The following SMARCAD1 variants were observed in gnomAD, a reference collection of about 807,000 sequenced individuals.
SMARCAD1 encodes the protein SWI/SNF-related matrix-associated actin-dependent regulator of chromatin subfamily A containing DEAD/H box 1.
SMARCAD1 carries 25 observed loss-of-function variants against 127.1 expected under a neutral mutation model. The ratio of observed to expected loss-of-function variants is 0.20; its 90% CI spans 0.14 to 0.27. The LOEUF (loss-of-function observed/expected upper bound fraction) is 0.27. Ranked by LOEUF, SMARCAD1 falls within the 10% of genes least tolerant of loss-of-function variation. SMARCAD1 has a pLI of 1.00. For synonymous variants in SMARCAD1, 400 were observed against 396.9 expected (o/e 1.01, Z -0.09); for missense variants, 807 against 1,206.0 (o/e 0.67, Z 4.90).
At chr4:94,239,305 T>C (rs985461114) in intron 5 of SMARCAD1, among the ~76,000 whole-genome samples, 1 of 152,168 alleles carries the variant, frequency 6.6e-6, no homozygotes, top group African/African-American at 2.4e-5. Flanking sequence ...TAAATACCTG[T>C]AAGTGATCTT....
At chr4:94,209,884 TTAGA>T (rs201830310) in intron 2 of SMARCAD1, among the ~76,000 whole-genome samples, 1,752 of 152,316 alleles carry the variant, frequency 0.012, 10 homozygotes, top group Non-Finnish European at 0.017. Context: ...TCCTCTGTAG[TTAGA>T]TAGTTCAGGA....
intron 2 of SMARCAD1, among the ~76,000 whole-genome samples, chr4:94,216,129 A>C (rs1296050775): frequency 6.6e-6 from 1 of 152,110 alleles, no homozygotes; most frequent in Non-Finnish European, 1.5e-5. Flanking sequence ...TGGCTGAATG[A>C]GTGAGGGGTC....
chr4:94,249,082 A>T (rs796225931), intron 6 of SMARCAD1, among the ~76,000 whole-genome samples: 11 of 152,294 alleles, frequency 7.2e-5, no homozygotes, highest in African/African-American at 2.4e-4. Flanking sequence ...AAGTGAGACT[A>T]TGTATAGCCA....
At chr4:94,222,040 C>T (rs935177803) in intron 2 of SMARCAD1, among the ~76,000 whole-genome samples, 1 of 152,128 alleles carries the variant, frequency 6.6e-6, no homozygotes, top group Non-Finnish European at 1.5e-5. Context: ...TTAATCAGGT[C>T]TGTGCAACCC....
intron 2 of SMARCAD1, among the ~76,000 whole-genome samples, chr4:94,217,057 G>A (rs1743309081): frequency 6.6e-6 from 1 of 152,100 alleles, no homozygotes. Context: ...ACAGTGTGGT[G>A]GGTTCCAGTT....
In SMARCAD1 at chr4:94,240,908, G is replaced by T; in HGVS notation, c.607G>T (p.Gly203Cys). Residue 203 changes from glycine to cysteine, a missense_variant and splice_region_variant, in exon 6 of 24, where the codon GGT becomes TGT. By Grantham distance (159) the Gly-to-Cys change is radical. This residue lies in a region of SMARCAD1 where 48 missense variants were observed against 90.8 expected (regional missense o/e 0.53). Transcript: ENST00000354268. The stretch of plus-strand genomic sequence containing the variant: ...AGTGTGCTGCTCTGCTTTAAAAGGT[G>T]GTGGGCCCAGGAAAAGAAAATTATC... ...AALLMFGDAG[G>C]GPRKRKLSSS... is the part of the protein sequence containing the mutation. The T allele has an allele frequency of 6.2e-7, 1 of 1,612,088 alleles. No individual in the cohort carries two copies. Among genetic ancestry groups the T allele is most frequent in the South Asian group, 1.1e-5 (1 of 90,994 alleles).
Position 94,207,969 on chromosome 4 carries a change from T to C in SMARCAD1, c.-151T>C, listed in dbSNP as rs549170607. On this transcript the variant is annotated 5_prime_UTR_variant, in exon 1 of 24. Coordinates refer to ENST00000354268, the MANE Select transcript of SMARCAD1 (RefSeq NM_020159.5). ...CGAGGCGCGGGCCCTGGCAGGTCCTTTCTCGAGGCAGGGGGCACGGTAGCA... is the reference window on the plus strand; with the variant it reads ...CGAGGCGCGGGCCCTGGCAGGTCCTCTCTCGAGGCAGGGGGCACGGTAGCA... 8.2e-6 allele frequency: 3 copies of C among 363,728 alleles called. No individual in the cohort carries two copies. Among genetic ancestry groups the C allele is most frequent in the South Asian group, 6.2e-5 (3 of 48,232 alleles). 22.5% of individuals were successfully genotyped at this position (363,728 alleles called of 1,614,324 possible). A position where few individuals can be genotyped will look rare whatever the true frequency, so the allele number is the denominator to read the frequency against.
intron 4 of SMARCAD1, among the ~76,000 whole-genome samples, 187 bp from the exon 5 acceptor site, chr4:94,236,765 A>G (rs1322971742): frequency 2.6e-5 from 4 of 152,326 alleles, no homozygotes; most frequent in Admixed American, 6.5e-5. Context: ...AAATATGCTT[A>G]AAATTCAGAC....
chr4:94,277,288 CT>C, intron 16 of SMARCAD1, 129 bp downstream of exon 16: 1 of 1,080,022 alleles, frequency 9.3e-7, no homozygotes, highest in Admixed American at 1.9e-5. Flanking sequence ...TAGGTGATAA[CT>C]CTATATTTGG....
intron 2 of SMARCAD1, among the ~76,000 whole-genome samples, chr4:94,221,977 C>T (rs953498163): frequency 2.6e-5 from 4 of 152,122 alleles, no homozygotes; most frequent in Non-Finnish European, 5.9e-5. Flanking sequence ...CACTAGGAGA[C>T]ATATGGGGGG....
At chr4:94,233,786 A>G (rs114517913) in intron 3 of SMARCAD1, among the ~76,000 whole-genome samples, 168 bp from the exon 4 acceptor site, 226 of 152,258 alleles carry the variant, frequency 1.5e-3, no homozygotes, top group African/African-American at 5.3e-3. Context: ...TTTTTCACAT[A>G]ACTACACTGA....
chr4:94,273,130 G>A (rs760267308), intron 11 of SMARCAD1, among the ~76,000 whole-genome samples: 1 of 152,140 alleles, frequency 6.6e-6, no homozygotes, highest in African/African-American at 2.4e-5. Flanking sequence ...CCAGTGTTTG[G>A]CTATTAAGAT....
chr4:94,254,581 G>A (rs1286780045), intron 9 of SMARCAD1, among the ~76,000 whole-genome samples: 1 of 152,032 alleles, frequency 6.6e-6, no homozygotes, highest in Non-Finnish European at 1.5e-5. Flanking sequence ...AATTAGTCTT[G>A]ACATGAATTT....
intron 10 of SMARCAD1, among the ~76,000 whole-genome samples, chr4:94,268,217 T>C (rs1579286597): frequency 6.6e-6 from 1 of 152,328 alleles, no homozygotes; most frequent in East Asian, 1.9e-4. Context: ...TCATTTTGAA[T>C]AAAGCAATTT....
intron 10 of SMARCAD1, among the ~76,000 whole-genome samples, chr4:94,267,095 A>G (rs780599843): frequency 6.7e-6 from 1 of 149,568 alleles, no homozygotes; most frequent in Non-Finnish European, 1.5e-5. Context: ...GATTTCTCAC[A>G]TGTTCAGAAT....
intron 9 of SMARCAD1, among the ~76,000 whole-genome samples, chr4:94,262,991 G>A (rs1012221011): frequency 1.3e-5 from 2 of 151,716 alleles, no homozygotes. Context: ...TATTTAGGGA[G>A]GTACTAGTTA....
At chr4:94,210,491 C>T (rs1409100616) in intron 2 of SMARCAD1, among the ~76,000 whole-genome samples, 1 of 152,094 alleles carries the variant, frequency 6.6e-6, no homozygotes, top group Non-Finnish European at 1.5e-5. Context: ...CTAGTACACA[C>T]TGATTGAGGG....
intron 4 of SMARCAD1, among the ~76,000 whole-genome samples, chr4:94,236,053 A>G (rs909499549): frequency 4.1e-4 from 63 of 152,248 alleles, no homozygotes; most frequent in African/African-American, 1.4e-3. Flanking sequence ...TTTTAAATCC[A>G]TGTAAAAGAA....
chr4:94,263,268 T>G (rs1240648172), intron 9 of SMARCAD1, among the ~76,000 whole-genome samples: 1 of 152,136 alleles, frequency 6.6e-6, no homozygotes, highest in African/African-American at 2.4e-5. Context: ...TGAGATTGGT[T>G]TATGGCCTAT....
Sources: allele counts gnomAD v4.1 joint callset (sites outside exome capture counted in the v4.1 genomes callset), GRCh38; gene constraint gnomAD v4.1.1; regional missense constraint gnomAD v4.1.1; transcripts MANE v1.5; gene names NCBI Gene and HGNC (gene_info 2026-07-23, HGNC 2026-07-21).